The following NPS variants were observed in gnomAD, a reference collection of about 807,000 sequenced individuals.
The protein encoded by NPS is neuropeptide S, also known as prepro-neuropeptide S.
Under a neutral mutation model 7.2 loss-of-function variants are expected in NPS, and 6 were observed. The observed-to-expected ratio is 0.83, with a 90% CI of 0.46 to 1.64. The LOEUF (loss-of-function observed/expected upper bound fraction) is 1.64. NPS is among the 40% of genes most tolerant of loss of function. The probability of loss-of-function intolerance (pLI) is 0.01; values close to 1 mark genes in which losing one functional copy is unlikely to be tolerated. For synonymous variants in NPS, 42 were observed against 36.7 expected (o/e 1.14, Z -0.52); for missense variants, 123 against 97.8 (o/e 1.26, Z -1.09).
At position 127,552,474 on chromosome 10, in the gene NPS, T is replaced by C. The variant is rs1317584215; in HGVS notation, c.105T>C (p.Ser35=). The C allele has an allele frequency of 6.2e-7, 1 of 1,607,332 alleles. No individual in the cohort carries two copies. ...PVPSSKVSGK[S]DYFLILLNSC... ...TGAATTGCCAGGTGTCTGGAAAATC[T>C]GATTACTTTCTCATTCTGCTGAACA... is the stretch of plus-strand genomic sequence containing the variant. Residue 35 remains serine, a synonymous_variant, in exon 3 of 3, where the codon TCT becomes TCC. Coordinates refer to ENST00000398023, the MANE Select transcript of NPS (RefSeq NM_001030013.2).
chr10:127,549,797 C>G (rs1291872133), intron 2 of NPS, among the ~76,000 whole-genome samples: 1 of 152,162 alleles, frequency 6.6e-6, no homozygotes, highest in African/African-American at 2.4e-5. Flanking sequence ...TTAGGGTTGG[C>G]TCCTGCAAAG....
At chr10:127,551,425 G>A (rs1844858053) in intron 2 of NPS, among the ~76,000 whole-genome samples, 1 of 151,952 alleles carries the variant, frequency 6.6e-6, no homozygotes, top group South Asian at 2.1e-4. Flanking sequence ...TTGTTTTCCT[G>A]CACCAAGATA....
intron 2 of NPS, among the ~76,000 whole-genome samples, chr10:127,550,922 G>T (rs905271830): frequency 7.9e-5 from 12 of 152,180 alleles, no homozygotes; most frequent in African/African-American, 2.7e-4. Context: ...CCTGGCAAGG[G>T]CTGCCTTCGA....
intron 2 of NPS, among the ~76,000 whole-genome samples, chr10:127,551,409 C>A (rs779989756): frequency 2.0e-5 from 3 of 151,980 alleles, no homozygotes; most frequent in Non-Finnish European, 4.4e-5. Flanking sequence ...TAACCTGAGA[C>A]CACACTTGTT....
chr10:127,550,202 GAACTTT>G (rs1200499930), intron 2 of NPS, among the ~76,000 whole-genome samples: 1 of 151,952 alleles, frequency 6.6e-6, no homozygotes, highest in Non-Finnish European at 1.5e-5. Context: ...TTTTGAACTT[GAACTTT>G]TTTTCACTAA....
chr10:127,552,392 T>C (rs971612681), intron 2 of NPS, 68 bp from the exon 3 acceptor site: 1 of 873,444 alleles, frequency 1.1e-6, no homozygotes, highest in Non-Finnish European at 1.8e-6. Flanking sequence ...TTGAAAATTG[T>C]TACTGTTGAA....
rs111759649 is a variant in NPS at position 127,552,957 on chromosome 10, T to C, written c.*318T>C. On this transcript the variant is annotated 3_prime_UTR_variant, in exon 3 of 3. Coordinates refer to ENST00000398023, the MANE Select transcript of NPS (RefSeq NM_001030013.2). ...ATGAGCATGTTGACAGTCATCACGA[T>C]AGTATGATTTTTTTTTTCCTGCCTG... is the stretch of plus-strand genomic sequence containing the variant. Among the ~76,000 whole-genome samples the C allele has an allele frequency of 0.01, 1,516 of 150,736 alleles. 27 individuals carry two copies. The highest frequency in any genetic ancestry group is 0.036 in the African/African-American group (1,436 of 40,068).
chr10:127,549,609 A>T, intron 2 of NPS, 39 bp downstream of exon 2: 1 of 1,101,602 alleles, frequency 9.1e-7, no homozygotes, highest in Non-Finnish European at 1.4e-6. Flanking sequence ...TAAATAGATG[A>T]CTAGAATGGT....
intron 2 of NPS, among the ~76,000 whole-genome samples, chr10:127,551,806 TG>T (rs1298361247): frequency 2.6e-5 from 4 of 152,178 alleles, no homozygotes; most frequent in African/African-American, 9.7e-5. Context: ...CCCTGTCACA[TG>T]GGGCATGCAC....
At chr10:127,549,815 T>C (rs1031937563) in intron 2 of NPS, among the ~76,000 whole-genome samples, 10 of 152,218 alleles carry the variant, frequency 6.6e-5, no homozygotes, top group African/African-American at 2.4e-4. Context: ...AAGGGAAATA[T>C]TCATCTCAAT....
In NPS at chr10:127,553,440, T is replaced by A. The variant is rs1005508227; in HGVS notation, c.*801T>A. ...CATCCTTCCAGGAAAGACTGCCCACTCTTTGCACTGAAACTCCTGACACTC... is the reference window on the plus strand; with the variant it reads ...CATCCTTCCAGGAAAGACTGCCCACACTTTGCACTGAAACTCCTGACACTC... On this transcript the variant is annotated 3_prime_UTR_variant, in exon 3 of 3. Coordinates refer to ENST00000398023, the MANE Select transcript of NPS (RefSeq NM_001030013.2). Among the ~76,000 whole-genome samples, 5 of 152,274 alleles carry A rather than the reference T, an allele frequency of 3.3e-5. 1 individual carries two copies. The highest frequency in any genetic ancestry group is 6.5e-5 in the Admixed American group (1 of 15,300).
intron 2 of NPS, among the ~76,000 whole-genome samples, chr10:127,552,032 G>A (rs1370318678): frequency 1.3e-5 from 2 of 152,208 alleles, no homozygotes; most frequent in African/African-American, 4.8e-5. Flanking sequence ...ACATCCTTAT[G>A]GGGAAACTTG....
chr10:127,549,512 T>A lies in NPS; in HGVS notation c.32T>A (p.Leu11Gln). Residue 11 changes from leucine (L) to glutamine (Q), a missense_variant, in exon 2 of 3, where the codon CTA (leucine) becomes CAA (glutamine). Coordinates refer to ENST00000398023, the MANE Select transcript of NPS (RefSeq NM_001030013.2). ...AGCTCAGTAAAACTCAATCTCATCCTAGTTCTGTCGCTGTCCACAATGCAT... is the reference window on the plus strand; with the variant it reads ...AGCTCAGTAAAACTCAATCTCATCCAAGTTCTGTCGCTGTCCACAATGCAT... MISSVKLNLI[L>Q]VLSLSTMHVF... 1.2e-6 allele frequency: 2 copies of A among 1,612,634 alleles called. No individual in the cohort carries two copies. Among genetic ancestry groups the A allele is most frequent in the South Asian group, 2.2e-5 (2 of 91,044 alleles).
At position 127,552,762 on chromosome 10, in the gene NPS, C is replaced by G; in HGVS notation, c.*123C>G. 1.5e-6 allele frequency: 1 copy of G among 680,474 alleles called. No homozygotes were observed. Among genetic ancestry groups the G allele is most frequent in the East Asian group, 2.6e-5 (1 of 39,056 alleles). The allele number at this position is 680,474 out of a possible 1,614,324, so 42.2% of individuals were successfully genotyped here. Reference sequence around the variant, plus strand: ...CTCTATTCTCAAATATCTTTCCTCTCCTGACTGGTACAGAGTAAATTGAGT... The same window carrying G: ...CTCTATTCTCAAATATCTTTCCTCTGCTGACTGGTACAGAGTAAATTGAGT... On this transcript the variant is annotated 3_prime_UTR_variant, in exon 3 of 3. Coordinates refer to ENST00000398023, the MANE Select transcript of NPS (RefSeq NM_001030013.2).
chr10:127,550,155 G>C lies in NPS; in HGVS notation c.90+585G>C, dbSNP rs961127378. 1.4e-4 allele frequency among the ~76,000 whole-genome samples: 21 copies of C among 151,912 alleles called. 1 individual carries two copies. The highest frequency in any genetic ancestry group is 1.1e-3 in the Admixed American group (17 of 15,268). On this transcript the variant is annotated intron_variant, in intron 2 of 2. Transcript: ENST00000398023. ...TCAGTTGCCTTTATGTCAATATTTT[G>C]TTTATAATTTTAAAATATCTTTTGT...
intron 2 of NPS, 114 bp downstream of exon 2, chr10:127,549,684 A>C (rs552978093): frequency 1.4e-6 from 1 of 694,052 alleles, no homozygotes; most frequent in South Asian, 1.8e-5. Flanking sequence ...CTTTATTATT[A>C]GAGTTCTCAA....
chr10:127,551,120 C>T (rs1400029819), intron 2 of NPS, among the ~76,000 whole-genome samples: 2 of 152,162 alleles, frequency 1.3e-5, no homozygotes, highest in Admixed American at 6.5e-5. Flanking sequence ...GGCGTTCTCT[C>T]TATCATGTTT....
Position 127,549,545 on chromosome 10 carries a change from G to A in NPS, c.65G>A (p.Trp22Ter), listed in dbSNP as rs186831805. The A allele has an allele frequency of 6.2e-7, 1 of 1,609,444 alleles. No individual in the cohort carries two copies. Among genetic ancestry groups the A allele is most frequent in the Non-Finnish European group, 8.5e-7 (1 of 1,176,002 alleles). The change falls in exon 2 of 3, where the codon TGG becomes TAG. Residue 22 changes from tryptophan to a stop codon, truncating the protein, a stop_gained. Coordinates refer to ENST00000398023, the MANE Select transcript of NPS (RefSeq NM_001030013.2). LOFTEE classifies it low-confidence loss of function (END_TRUNC). ...TCGCTGTCCACAATGCATGTGTTTT[G>A]GTGTTATCCAGTTCCATCTTCTAAG... Reference protein sequence around the residue: ...VLSLSTMHVFWCYPVPSSKVS... With the variant: ...VLSLSTMHVF
At chr10:127,551,758 C>T (rs957964259) in intron 2 of NPS, among the ~76,000 whole-genome samples, 9 of 152,140 alleles carry the variant, frequency 5.9e-5, no homozygotes, top group African/African-American at 2.2e-4. Flanking sequence ...TGATTCGTAC[C>T]CAAGCCCTGG....
Sources: gnomAD v4.1 joint callset for allele counts (sites outside exome capture counted in the v4.1 genomes callset) on GRCh38, gnomAD v4.1.1 for gene constraint, MANE v1.5 for transcripts, NCBI Gene and HGNC (gene_info 2026-07-23, HGNC 2026-07-21) for gene names.